ZFAND3: variants seen among roughly 807,000 people sequenced by gnomAD.
ZFAND3 encodes the protein AN1-type zinc finger protein 3.
Under a neutral mutation model 29.6 loss-of-function variants are expected in ZFAND3, and 10 were observed. The observed-to-expected ratio is 0.34, with a 90% CI of 0.21 to 0.57. The LOEUF is 0.57. ZFAND3 is among the 20% of genes least tolerant of loss of function. The pLI is 0.86. For missense variants in ZFAND3, 230 were observed against 304.5 expected (o/e 0.76, Z 1.82); for synonymous variants, 128 against 112.6 (o/e 1.14, Z -0.87).
At chr6:38,151,871 C>T (rs1462926574) in intron 5 of ZFAND3, among the ~76,000 whole-genome samples, 3 of 151,968 alleles carry the variant, frequency 2.0e-5, no homozygotes, top group Admixed American at 1.3e-4. Context: ...ACAGTTTGCC[C>T]GAGCCAAGCA....
rs759019097 is a variant in ZFAND3 at position 37,929,947 on chromosome 6, T to C, written c.72-12T>C. On this transcript the variant is annotated splice_polypyrimidine_tract_variant and intron_variant, in intron 1 of 5. Transcript: ENST00000287218. The stretch of plus-strand genomic sequence containing the variant: ...AGCTCTTCTTTCTTTCTTTTCTTTT[T>C]GTTTGCCCCAGGTCCAGCAAGACTA... 2.5e-6 allele frequency: 4 copies of C among 1,590,332 alleles called. No individual in the cohort carries two copies. Among genetic ancestry groups the C allele is most frequent in the Non-Finnish European group, 2.6e-6 (3 of 1,170,864 alleles).
chr6:37,910,918 A>T (rs768867583), intron 1 of ZFAND3, among the ~76,000 whole-genome samples: 2 of 152,168 alleles, frequency 1.3e-5, no homozygotes, highest in Admixed American at 6.5e-5. Flanking sequence ...TTGTGTTTAT[A>T]TGTCACATTT....
At chr6:38,113,102 A>G (rs1441112098) in intron 4 of ZFAND3, among the ~76,000 whole-genome samples, 1 of 152,194 alleles carries the variant, frequency 6.6e-6, no homozygotes, top group Non-Finnish European at 1.5e-5. Context: ...GTAAGTGGGC[A>G]TATTCCAGAG....
At chr6:38,011,313 C>T (rs1394763650) in intron 2 of ZFAND3, among the ~76,000 whole-genome samples, 1 of 152,128 alleles carries the variant, frequency 6.6e-6, no homozygotes, top group Non-Finnish European at 1.5e-5. Flanking sequence ...TAAATACACA[C>T]AGTAGAATTT....
intron 5 of ZFAND3, among the ~76,000 whole-genome samples, chr6:38,139,767 C>G (rs1405613973): frequency 6.6e-6 from 1 of 152,074 alleles, no homozygotes; most frequent in Non-Finnish European, 1.5e-5. Context: ...GAAGCTGTTG[C>G]AGTAGCCTCG....
At chr6:37,944,305 C>A (rs1384376975) in intron 2 of ZFAND3, among the ~76,000 whole-genome samples, 1 of 152,112 alleles carries the variant, frequency 6.6e-6, no homozygotes, top group African/African-American at 2.4e-5. Context: ...GAAATTTCCC[C>A]AAACTTGATG....
intron 1 of ZFAND3, among the ~76,000 whole-genome samples, chr6:37,863,550 T>C (rs1764532150): frequency 6.6e-6 from 1 of 152,218 alleles, no homozygotes; most frequent in African/African-American, 2.4e-5. Flanking sequence ...AGTGATTTCT[T>C]TGATTTTTAA....
chr6:38,078,432 TA>T (rs1372886823), intron 3 of ZFAND3, among the ~76,000 whole-genome samples: 6 of 152,230 alleles, frequency 3.9e-5, no homozygotes, highest in Admixed American at 3.9e-4. Context: ...AGTCTGTTAA[TA>T]AATATCTCCG....
chr6:38,032,209 T>G (rs1763575356), intron 2 of ZFAND3, among the ~76,000 whole-genome samples: 1 of 152,220 alleles, frequency 6.6e-6, no homozygotes, highest in Non-Finnish European at 1.5e-5. Flanking sequence ...TATTATAGAT[T>G]ACTGTAATAT....
At chr6:38,132,748 A>G (rs569358050) in intron 5 of ZFAND3, among the ~76,000 whole-genome samples, 1 of 152,296 alleles carries the variant, frequency 6.6e-6, no homozygotes, top group Admixed American at 6.5e-5. Context: ...GGAGTGTGGC[A>G]TCTCCTGCAT....
Position 38,061,766 on chromosome 6 carries a change from A to G in ZFAND3, c.286A>G (p.Lys96Glu). 6.2e-7 allele frequency: 1 copy of G among 1,614,106 alleles called. No individual in the cohort carries two copies. Reference sequence around the variant, plus strand: ...AGAACTGAATGTAACTTCACCGAGTAAAGAGGAGTGTAAGTGTCTGGCTTC... The same window carrying G: ...AGAACTGAATGTAACTTCACCGAGTGAAGAGGAGTGTAAGTGTCTGGCTTC... ...PTELNVTSPS[K>E]EECGPCTDTA... Residue 96 changes from lysine to glutamate, a missense_variant, in exon 3 of 6, where the codon AAA becomes GAA. By Grantham distance (56) the Lys-to-Glu change is moderately conservative. Coordinates refer to ENST00000287218, the MANE Select transcript of ZFAND3 (RefSeq NM_021943.3).
chr6:37,838,407 T>G (rs979747675), intron 1 of ZFAND3, among the ~76,000 whole-genome samples: 1 of 152,220 alleles, frequency 6.6e-6, no homozygotes, highest in South Asian at 2.1e-4. Flanking sequence ...ACTACTGTCT[T>G]AATTCCAGAC....
chr6:37,960,352 C>G (rs1190220047), intron 2 of ZFAND3, among the ~76,000 whole-genome samples: 2 of 152,160 alleles, frequency 1.3e-5, no homozygotes, highest in Non-Finnish European at 2.9e-5. Context: ...AATGTCAGAT[C>G]CTTGAATGCC....
intron 4 of ZFAND3, among the ~76,000 whole-genome samples, chr6:38,085,570 T>C (rs1581904563): frequency 6.6e-6 from 1 of 152,346 alleles, no homozygotes; most frequent in East Asian, 1.9e-4. Context: ...TTATTATATG[T>C]GTGTGTGTTC....
chr6:37,967,656 AGGATTCATTCTAG>A (rs1443111393), intron 2 of ZFAND3, among the ~76,000 whole-genome samples: 3 of 152,208 alleles, frequency 2.0e-5, no homozygotes, highest in Non-Finnish European at 4.4e-5. Context: ...TCAATACCTC[AGGATTCATTCTAG>A]TTTTCTCACT....
At chr6:38,051,191 A>G (rs1378923822) in intron 2 of ZFAND3, among the ~76,000 whole-genome samples, 1 of 152,074 alleles carries the variant, frequency 6.6e-6, no homozygotes, top group Non-Finnish European at 1.5e-5. Context: ...TCCCACCACC[A>G]TCCTCTCCCT....
rs115964938 is a variant in ZFAND3 at position 38,077,357 on chromosome 6, T to A, written c.296-5035T>A. Among the ~76,000 whole-genome samples the A allele has an allele frequency of 4.0e-3, 609 of 152,294 alleles. 2 individuals are homozygous for A. The highest frequency in any genetic ancestry group is 0.014 in the African/African-American group (583 of 41,566). ...TTATGATAGAGTGGAATTGACAAGC[T>A]GGTTAAAAACGGATGATGCATTTTT... On this transcript the variant is annotated intron_variant, in intron 3 of 5. Transcript: ENST00000287218.
intron 3 of ZFAND3, among the ~76,000 whole-genome samples, chr6:38,067,772 G>C (rs1257018649): frequency 1.3e-5 from 2 of 152,184 alleles, no homozygotes; most frequent in Non-Finnish European, 2.9e-5. Flanking sequence ...ACAAGATGAG[G>C]AAGTGCCCTC....
At chr6:38,054,444 T>TA (rs1294935317) in intron 2 of ZFAND3, among the ~76,000 whole-genome samples, 1 of 151,330 alleles carries the variant, frequency 6.6e-6, no homozygotes, top group Non-Finnish European at 1.5e-5. Flanking sequence ...CGTGCAGTGT[T>TA]ATTCAGTCTG....
Sources: gnomAD v4.1 joint callset for allele counts (sites outside exome capture counted in the v4.1 genomes callset) on GRCh38, gnomAD v4.1.1 for gene constraint, MANE v1.5 for transcripts, NCBI Gene and HGNC (gene_info 2026-07-23, HGNC 2026-07-21) for gene names.